CBLB: variants seen among roughly 807,000 people sequenced by gnomAD.
CBLB encodes the protein Cbl proto-oncogene B.
A neutral mutation model predicts 104.9 loss-of-function variants in CBLB; 31 were observed. The observed-to-expected ratio is 0.30, with a 90% CI of 0.22 to 0.40. CBLB has a LOEUF of 0.40. Ranked by LOEUF, CBLB falls within the 10% of genes least tolerant of loss-of-function variation. CBLB has a pLI of 1.00. For synonymous variants in CBLB, 440 were observed against 422.6 expected, an observed-to-expected ratio of 1.04 and a Z score of -0.51; for missense variants, 1,062 against 1,214.6, an observed-to-expected ratio of 0.87 and a Z score of 1.87.
chr3:105,819,652 G>A (rs1252221080), intron 3 of CBLB, among the ~76,000 whole-genome samples: 5 of 152,118 alleles, frequency 3.3e-5, no homozygotes, highest in African/African-American at 9.7e-5. Flanking sequence ...TCAGAACTTT[G>A]CAGGAATTGA....
At chr3:105,696,013 C>T (rs1381499549) in intron 12 of CBLB, among the ~76,000 whole-genome samples, 1 of 151,220 alleles carries the variant, frequency 6.6e-6, no homozygotes, top group East Asian at 2.0e-4. Context: ...GAAATACTCT[C>T]AGCAAATATG....
chr3:105,829,866 G>A (rs2087207177), intron 3 of CBLB, among the ~76,000 whole-genome samples: 1 of 152,042 alleles, frequency 6.6e-6, no homozygotes, highest in African/African-American at 2.4e-5. Context: ...GATAAGAAGT[G>A]TAAATCATCT....
At chr3:105,791,983 G>A (rs1025615319) in intron 3 of CBLB, among the ~76,000 whole-genome samples, 1 of 152,130 alleles carries the variant, frequency 6.6e-6, no homozygotes, top group African/African-American at 2.4e-5. Flanking sequence ...TACACGGAGT[G>A]GTGAATCTTA....
intron 17 of CBLB, among the ~76,000 whole-genome samples, chr3:105,676,647 A>C (rs1350347463): frequency 1.3e-5 from 2 of 152,230 alleles, no homozygotes; most frequent in Non-Finnish European, 2.9e-5. Flanking sequence ...TAAGTGAAAA[A>C]AAATAGCGAA....
intron 13 of CBLB, among the ~76,000 whole-genome samples, chr3:105,687,176 A>C (rs997153550): frequency 5.3e-5 from 8 of 152,136 alleles, no homozygotes; most frequent in African/African-American, 1.7e-4. Flanking sequence ...ATCCCTTTCT[A>C]TGCAATTCAA....
chr3:105,667,478 T>C (rs1022364031), intron 18 of CBLB, among the ~76,000 whole-genome samples: 14 of 152,198 alleles, frequency 9.2e-5, no homozygotes, highest in African/African-American at 3.4e-4. Flanking sequence ...GTTTGTCCTA[T>C]ATACCGATAT....
intron 18 of CBLB, among the ~76,000 whole-genome samples, chr3:105,664,528 T>C (rs1316044018): frequency 6.6e-6 from 1 of 152,154 alleles, no homozygotes; most frequent in Non-Finnish European, 1.5e-5. Flanking sequence ...TTATTGAAGA[T>C]AGGGTTTTAA....
chr3:105,828,841 G>A (rs1054260570), intron 3 of CBLB, among the ~76,000 whole-genome samples: 3 of 152,138 alleles, frequency 2.0e-5, no homozygotes, highest in African/African-American at 7.2e-5. Flanking sequence ...CCTGAGTCCA[G>A]AAAGGTCAAA....
chr3:105,776,426 G>A lies in CBLB; in HGVS notation c.536C>T (p.Ala179Val). The A allele has an allele frequency of 6.2e-7, 1 of 1,613,676 alleles. No homozygotes were observed. ...TCCAAAAAACTTTCTCCAGAATTCA[G>A]CAGCATCTGCTTTTGTGATACGAAA... is the stretch of plus-strand genomic sequence containing the variant. ...DNFRITKADAAEFWRKFFGDK... is the reference protein window; with the variant it reads ...DNFRITKADAVEFWRKFFGDK... The change falls in exon 4 of 19, where the codon GCT (alanine) becomes GTT (valine). Residue 179 changes from alanine (A) to valine (V), a missense_variant. Physicochemically the swap from Ala to Val is moderately conservative, Grantham distance 64 (BLOSUM62 0). Coordinates refer to ENST00000394030, the MANE Select transcript of CBLB (RefSeq NM_170662.5).
chr3:105,677,097 C>A (rs1484433056), intron 17 of CBLB, among the ~76,000 whole-genome samples: 4 of 151,972 alleles, frequency 2.6e-5, no homozygotes, highest in Non-Finnish European at 1.5e-5. Context: ...CTGCTTGGAC[C>A]GGAATGGATT....
chr3:105,708,505 ACTAT>A (rs1484888631), intron 10 of CBLB, among the ~76,000 whole-genome samples: 2 of 152,110 alleles, frequency 1.3e-5, no homozygotes, highest in South Asian at 2.1e-4. Context: ...TTCAAGTATG[ACTAT>A]CTAAGCTCTA....
intron 3 of CBLB, among the ~76,000 whole-genome samples, chr3:105,844,682 G>A (rs2090011261): frequency 6.6e-6 from 1 of 152,156 alleles, no homozygotes; most frequent in Admixed American, 6.5e-5. Context: ...TGGTTATGAA[G>A]TACTTCACAT....
intron 17 of CBLB, chr3:105,670,995 A>G (rs1333726820): frequency 1.1e-5 from 2 of 175,202 alleles, no homozygotes; most frequent in Non-Finnish European, 2.5e-5. Flanking sequence ...TAACATTTGA[A>G]TATACAGTAA....
At chr3:105,714,229 C>G (rs2071512200) in intron 10 of CBLB, among the ~76,000 whole-genome samples, 1 of 152,120 alleles carries the variant, frequency 6.6e-6, no homozygotes, top group Non-Finnish European at 1.5e-5. Context: ...GCAGCAGTCC[C>G]CAACCTTTTT....
chr3:105,818,637 T>C (rs771420795), intron 3 of CBLB, among the ~76,000 whole-genome samples: 1 of 152,158 alleles, frequency 6.6e-6, no homozygotes, highest in South Asian at 2.1e-4. Flanking sequence ...ATAATGCAAC[T>C]GTATATTACC....
chr3:105,715,543 G>A (rs564851934), intron 10 of CBLB, among the ~76,000 whole-genome samples: 59 of 152,208 alleles, frequency 3.9e-4, no homozygotes, highest in Admixed American at 1.3e-3. Context: ...TCCATGCTAC[G>A]ATGGCAGCAT....
intron 3 of CBLB, among the ~76,000 whole-genome samples, chr3:105,820,021 T>C (rs1166287695): frequency 1.3e-5 from 2 of 152,152 alleles, no homozygotes; most frequent in Admixed American, 6.5e-5. Flanking sequence ...AATGAAATAA[T>C]TATACAACTT....
intron 3 of CBLB, among the ~76,000 whole-genome samples, chr3:105,842,342 C>G (rs897962576): frequency 6.6e-6 from 1 of 152,194 alleles, no homozygotes; most frequent in African/African-American, 2.4e-5. Context: ...TCAGGCTCTT[C>G]GCAGTCCTTG....
At chr3:105,719,662 TAATA>T (rs1274925772) in intron 10 of CBLB, among the ~76,000 whole-genome samples, 1 of 152,338 alleles carries the variant, frequency 6.6e-6, no homozygotes, top group East Asian at 1.9e-4. Context: ...GTGATAATGA[TAATA>T]AATGAATGTT....
Sources: gnomAD v4.1 joint callset for allele counts (sites outside exome capture counted in the v4.1 genomes callset) on GRCh38, gnomAD v4.1.1 for gene constraint, MANE v1.5 for transcripts, NCBI Gene and HGNC (gene_info 2026-07-23, HGNC 2026-07-21) for gene names.